The following CMTR1 variants were observed in gnomAD, a reference collection of about 807,000 sequenced individuals.
CMTR1 encodes the protein cap-specific mRNA (nucleoside-2'-O-)-methyltransferase 1.
A neutral mutation model predicts 107.0 loss-of-function variants in CMTR1; 39 were observed. The ratio of observed to expected loss-of-function variants is 0.36; its 90% CI spans 0.28 to 0.48. The LOEUF is 0.48. Among genes scored for constraint, CMTR1 ranks in the 20% least tolerant of loss-of-function variants. The pLI, the probability that CMTR1 is intolerant of heterozygous loss-of-function variation, is 0.99. For missense variants in CMTR1, 672 were observed against 1,064.9 expected (o/e 0.63, Z 5.14); for synonymous variants, 366 against 379.5 (o/e 0.96, Z 0.41).
In CMTR1 at chr6:37,435,622, A is replaced by G; in HGVS notation, c.-6-2A>G. The G allele has an allele frequency of 6.3e-7, 1 of 1,593,480 alleles. No homozygotes were observed. The highest frequency in any genetic ancestry group is 8.5e-7 in the Non-Finnish European group (1 of 1,171,810). Reference sequence around the variant, plus strand: ...GCTGACTGACTGGATTTATGGTTACAGTTAACGATGAAGAGGAGAACTGAC... The same window carrying G: ...GCTGACTGACTGGATTTATGGTTACGGTTAACGATGAAGAGGAGAACTGAC... On this transcript the variant is annotated splice_acceptor_variant, in intron 1 of 23. Coordinates refer to ENST00000373451, the MANE Select transcript of CMTR1 (RefSeq NM_015050.3). LOFTEE classifies it low-confidence loss of function (5UTR_SPLICE).
At chr6:37,424,534 A>C in the CMTR1 span, among the ~76,000 whole-genome samples, 2 of 152,050 alleles carry the variant, frequency 1.3e-5, no homozygotes, top group Non-Finnish European at 2.9e-5. Flanking sequence ...GGTGTGAGCC[A>C]CCGCGCCCGG....
At position 37,480,372 on chromosome 6, in the gene CMTR1, C is replaced by T. The variant is rs770758205; in HGVS notation, c.*227C>T. 23 of 1,344,344 alleles carry T rather than the reference C, an allele frequency of 1.7e-5. No individual in the cohort carries two copies. The highest frequency in any genetic ancestry group is 2.2e-5 in the Non-Finnish European group (23 of 1,056,820). 83.3% of individuals were successfully genotyped at this position (1,344,344 alleles called of 1,614,324 possible). ...ACACCTGCCTGGGAACTTTCCCCTG[C>T]CAGGACTCAGCCTGAAGGAAGCTGC... On this transcript the variant is annotated 3_prime_UTR_variant, in exon 24 of 24. Coordinates refer to ENST00000373451, the MANE Select transcript of CMTR1 (RefSeq NM_015050.3).
intron 8 of CMTR1, among the ~76,000 whole-genome samples, chr6:37,456,979 G>A (rs528538831): frequency 6.6e-6 from 1 of 152,154 alleles, no homozygotes; most frequent in South Asian, 2.1e-4. Flanking sequence ...CCAACACTGT[G>A]GGAGGCTGAA....
chr6:37,441,507 T>C (rs1771675481), intron 2 of CMTR1, among the ~76,000 whole-genome samples: 1 of 151,982 alleles, frequency 6.6e-6, no homozygotes, highest in African/African-American at 2.4e-5. Flanking sequence ...CTCCACCTCC[T>C]GGGTTCAAGT....
chr6:37,467,174 A>C (rs931623165), intron 13 of CMTR1, among the ~76,000 whole-genome samples: 8 of 152,244 alleles, frequency 5.3e-5, no homozygotes, highest in African/African-American at 1.7e-4. Context: ...CTCAAAAAAA[A>C]GGATGCTTTA....
intron 8 of CMTR1, among the ~76,000 whole-genome samples, chr6:37,453,947 T>C (rs1318287890): frequency 6.6e-6 from 1 of 152,214 alleles, no homozygotes; most frequent in Non-Finnish European, 1.5e-5. Context: ...TTTCCTTCTC[T>C]GCCTCTCTGA....
At position 37,446,338 on chromosome 6, in the gene CMTR1, G is replaced by C; in HGVS notation, c.333G>C (p.Gln111His). The C allele has an allele frequency of 6.2e-7, 1 of 1,614,214 alleles. No individual in the cohort carries two copies. ...REGEGLGKYS[Q>H]GRKDIVEASS... ...GTGAAGGATTGGGTAAATACAGCCAGGGTCGGAAGGACATCGTTGAGGCTT... is the reference window on the plus strand; with the variant it reads ...GTGAAGGATTGGGTAAATACAGCCACGGTCGGAAGGACATCGTTGAGGCTT... Residue 111 changes from glutamine (Q) to histidine (H), a missense_variant, in exon 4 of 24, where the codon CAG becomes CAC. Physicochemically the swap from Gln to His is conservative, Grantham distance 24. Around this residue, in one of 2 missense-constraint regions of CMTR1, gnomAD observed 583 missense variants for 968.4 expected, o/e 0.60. Coordinates refer to ENST00000373451, the MANE Select transcript of CMTR1 (RefSeq NM_015050.3).
intron 4 of CMTR1, among the ~76,000 whole-genome samples, chr6:37,447,745 A>G (rs1404945002): frequency 6.6e-6 from 1 of 152,040 alleles, no homozygotes; most frequent in African/African-American, 2.4e-5. Context: ...CTGTAATTCC[A>G]GCTGCTAGAG....
At chr6:37,473,138 T>C (rs1761663084) in intron 16 of CMTR1, among the ~76,000 whole-genome samples, 1 of 152,212 alleles carries the variant, frequency 6.6e-6, no homozygotes, top group Non-Finnish European at 1.5e-5. Flanking sequence ...AACCAACTGC[T>C]GGAGAATCCT....
Position 37,453,329 on chromosome 6 carries a change from GCTT to G in CMTR1, c.777+20_777+22del, listed in dbSNP as rs1172580554. The stretch of plus-strand genomic sequence containing the variant: ...TCTTATGGGGTGAGAACAAGATTCT[GCTT>G]CTGAATTCATGGTGCTAAGAGGGCT... On this transcript the variant is annotated intron_variant, in intron 8 of 23. Coordinates refer to ENST00000373451, the MANE Select transcript of CMTR1 (RefSeq NM_015050.3). The G allele has an allele frequency of 1.2e-6, 2 of 1,611,568 alleles. No homozygotes were observed. The highest frequency in any genetic ancestry group is 2.7e-5 in the African/African-American group (2 of 74,896).
intron 3 of CMTR1, among the ~76,000 whole-genome samples, chr6:37,445,891 G>T (rs896739470): frequency 2.0e-5 from 3 of 152,094 alleles, no homozygotes; most frequent in Non-Finnish European, 4.4e-5. Context: ...ACTGGATAAG[G>T]GTAAGGTAGA....
intron 9 of CMTR1, among the ~76,000 whole-genome samples, chr6:37,459,163 C>G (rs1761354079): frequency 6.6e-6 from 1 of 152,284 alleles, no homozygotes; most frequent in Admixed American, 6.5e-5. Flanking sequence ...CTCTCGCCCT[C>G]TGTGCCAGGT....
intron 13 of CMTR1, among the ~76,000 whole-genome samples, chr6:37,468,347 A>C (rs1409351749): frequency 1.3e-5 from 2 of 152,076 alleles, no homozygotes; most frequent in Non-Finnish European, 2.9e-5. Flanking sequence ...TTATATTGTT[A>C]CTATTTTTAC....
chr6:37,463,173 C>T (rs1300070118), intron 13 of CMTR1, among the ~76,000 whole-genome samples, 165 bp downstream of exon 13: 1 of 152,182 alleles, frequency 6.6e-6, no homozygotes, highest in African/African-American at 2.4e-5. Context: ...TGGTTAGTTA[C>T]CCTCAGGGAC....
At chr6:37,474,926 T>C (rs866265077) in intron 18 of CMTR1, among the ~76,000 whole-genome samples, 4 of 152,288 alleles carry the variant, frequency 2.6e-5, no homozygotes, top group South Asian at 2.1e-4. Flanking sequence ...TAGCAGCTGA[T>C]TTAGTTTTTG....
chr6:37,431,543 C>T (rs1771370521), upstream of CMTR1, among the ~76,000 whole-genome samples: 1 of 151,108 alleles, frequency 6.6e-6, no homozygotes, highest in African/African-American at 2.5e-5. Context: ...GACAGACAAT[C>T]TTTCCTGTAC....
intron 5 of CMTR1, among the ~76,000 whole-genome samples, chr6:37,450,592 G>C (rs1562119816): frequency 6.6e-6 from 1 of 152,126 alleles, no homozygotes; most frequent in Non-Finnish European, 1.5e-5. Flanking sequence ...TATAACCTCT[G>C]TCTTCTTCAT....
chr6:37,472,187 G>A lies in CMTR1; in HGVS notation c.1621-232G>A, dbSNP rs1262371152. 6.6e-6 allele frequency among the ~76,000 whole-genome samples: 1 copy of A among 152,146 alleles called. No homozygotes were observed. The highest frequency in any genetic ancestry group is 2.4e-5 in the African/African-American group (1 of 41,432). On this transcript the variant is annotated intron_variant, in intron 15 of 23. Transcript: ENST00000373451. This position sits in a 1 kb window ranked among gnomAD's most constrained non-coding sequence, Gnocchi z 4.1. Reference sequence around the variant, plus strand: ...ACTGGTGGCCCCTTGTAGCAGCACTGACAACAGAGAGCCCCAGAGAAAAGG... The same window carrying A: ...ACTGGTGGCCCCTTGTAGCAGCACTAACAACAGAGAGCCCCAGAGAAAAGG...
At chr6:37,470,845 C>G (rs538408221) in intron 13 of CMTR1, among the ~76,000 whole-genome samples, 176 bp from the exon 14 acceptor site, 53 of 152,258 alleles carry the variant, frequency 3.5e-4, no homozygotes, top group Non-Finnish European at 6.0e-4. Context: ...TACCCTCATC[C>G]TTCAGTAAGC....
Sources: allele counts gnomAD v4.1 joint callset (sites outside exome capture counted in the v4.1 genomes callset), GRCh38; gene constraint gnomAD v4.1.1; regional missense constraint gnomAD v4.1.1; non-coding constraint Gnocchi (gnomAD v3.1); transcripts MANE v1.5; gene names NCBI Gene and HGNC (gene_info 2026-07-23, HGNC 2026-07-21).